Variants in DNAAF11 observed in about 807,000 individuals in gnomAD.
DNAAF11 encodes the protein dynein axonemal assembly factor 11.
DNAAF11 carries 45 observed loss-of-function variants against 60.8 expected under a neutral mutation model. The ratio of observed to expected loss-of-function variants is 0.74; its 90% CI spans 0.58 to 0.95. The LOEUF is 0.95. DNAAF11 is among the 40% of genes least tolerant of loss of function. The probability of loss-of-function intolerance (pLI) is 0.00; values close to 1 mark genes in which losing one functional copy is unlikely to be tolerated. For synonymous variants in DNAAF11, 191 were observed against 183.5 expected (o/e 1.04, Z -0.33); for missense variants, 546 against 546.2 (o/e 1.00, Z 0.00).
the DNAAF11 span, among the ~76,000 whole-genome samples, chr8:132,692,851 G>A: frequency 3.3e-5 from 5 of 152,156 alleles, no homozygotes; most frequent in African/African-American, 7.2e-5. Flanking sequence ...TGAACCAATC[G>A]TGTATGATGG....
intron 10 of DNAAF11, among the ~76,000 whole-genome samples, chr8:132,607,374 G>A (rs1818234824): frequency 6.6e-6 from 1 of 152,116 alleles, no homozygotes; most frequent in Admixed American, 6.6e-5. Flanking sequence ...TCGACCCAGT[G>A]GTGAGTGTTG....
At chr8:132,584,216 T>C (rs1458098108) in intron 10 of DNAAF11, among the ~76,000 whole-genome samples, 1 of 152,160 alleles carries the variant, frequency 6.6e-6, no homozygotes, top group East Asian at 1.9e-4. Context: ...TTTCTTCCTC[T>C]GCAAAATGAA....
chr8:132,669,244 A>G (rs1306207573), intron 1 of DNAAF11, among the ~76,000 whole-genome samples: 1 of 152,240 alleles, frequency 6.6e-6, no homozygotes, highest in Non-Finnish European at 1.5e-5. Context: ...GGAAGAGTTG[A>G]TACCAGAAGT....
intron 6 of DNAAF11, chr8:132,622,911 T>C (rs937105889): frequency 3.5e-5 from 14 of 396,492 alleles, no homozygotes; most frequent in African/African-American, 2.3e-4. Flanking sequence ...TCTGTATCTG[T>C]ACAGCAAAAA....
chr8:132,659,227 G>T (rs941617748), intron 2 of DNAAF11, among the ~76,000 whole-genome samples: 9 of 152,172 alleles, frequency 5.9e-5, no homozygotes, highest in African/African-American at 2.4e-5. Flanking sequence ...CTTCCCATGG[G>T]CAACAGGGCT....
At chr8:132,578,841 T>C (rs1366505173) in intron 11 of DNAAF11, among the ~76,000 whole-genome samples, 1 of 152,206 alleles carries the variant, frequency 6.6e-6, no homozygotes, top group East Asian at 1.9e-4. Context: ...TGGGGAGCCC[T>C]TGAAGTTGTG....
chr8:132,663,266 T>A (rs887830460), intron 1 of DNAAF11, among the ~76,000 whole-genome samples: 1 of 152,082 alleles, frequency 6.6e-6, no homozygotes, highest in Non-Finnish European at 1.5e-5. Flanking sequence ...TTAAATAGGG[T>A]GCTATAATCA....
At chr8:132,633,518 CAG>C (rs1268178003) in intron 4 of DNAAF11, among the ~76,000 whole-genome samples, 1 of 152,098 alleles carries the variant, frequency 6.6e-6, no homozygotes, top group African/African-American at 2.4e-5. Flanking sequence ...TTAAAGCTAA[CAG>C]TTTAAAGATA....
intron 11 of DNAAF11, among the ~76,000 whole-genome samples, chr8:132,577,952 C>T (rs1814927466): frequency 6.6e-6 from 1 of 152,142 alleles, no homozygotes; most frequent in South Asian, 2.1e-4. Context: ...AGGATGTGAG[C>T]CACCATGCCT....
intron 10 of DNAAF11, among the ~76,000 whole-genome samples, chr8:132,593,332 C>CAT (rs60462067): frequency 0.15 from 16,431 of 108,568 alleles, 1,129 homozygotes; most frequent in Admixed American, 0.24. Context: ...TATATACATA[C>CAT]ATATATATAT....
chr8:132,588,880 A>G (rs1816179540), intron 10 of DNAAF11, among the ~76,000 whole-genome samples: 1 of 152,084 alleles, frequency 6.6e-6, no homozygotes, highest in Non-Finnish European at 1.5e-5. Context: ...GAGTAGGAGC[A>G]AGAGAGAGAG....
chr8:132,654,698 C>CAAA (rs34749688), intron 3 of DNAAF11, among the ~76,000 whole-genome samples: 8,592 of 133,914 alleles, frequency 0.064, 344 homozygotes, highest in South Asian at 0.089. Flanking sequence ...AAAAAAATTG[C>CAAA]AAAAAAAAAA....
intron 1 of DNAAF11, 74 bp from the exon 2 acceptor site, chr8:132,661,701 TTTG>T (rs1473587357): frequency 6.7e-7 from 1 of 1,492,156 alleles, no homozygotes; most frequent in Non-Finnish European, 9.3e-7. Flanking sequence ...TGTTAACGCA[TTTG>T]TGTTTTTTTT....
At chr8:132,681,606 T>G in the DNAAF11 span, among the ~76,000 whole-genome samples, 1 of 152,154 alleles carries the variant, frequency 6.6e-6, no homozygotes, top group Non-Finnish European at 1.5e-5. Flanking sequence ...TCCAGTGCTT[T>G]CTTTATCCAT....
intron 4 of DNAAF11, among the ~76,000 whole-genome samples, chr8:132,634,988 T>C (rs10087409): frequency 0.04 from 6,044 of 152,164 alleles, 405 homozygotes; most frequent in African/African-American, 0.13. Flanking sequence ...TGTAAGTCTA[T>C]TTTGATTTAA....
intron 8 of DNAAF11, among the ~76,000 whole-genome samples, chr8:132,612,316 T>C (rs1236288453): frequency 1.3e-5 from 2 of 152,200 alleles, no homozygotes; most frequent in African/African-American, 4.8e-5. Flanking sequence ...TTTATAATAA[T>C]AATAGAGATG....
At chr8:132,665,223 C>T (rs1586737359) in intron 1 of DNAAF11, among the ~76,000 whole-genome samples, 1 of 151,788 alleles carries the variant, frequency 6.6e-6, no homozygotes. Flanking sequence ...TGGCAAACAT[C>T]AGAACAAAAA....
chr8:132,671,564 T>C (rs1005090525), intron 1 of DNAAF11, among the ~76,000 whole-genome samples: 1 of 152,174 alleles, frequency 6.6e-6, no homozygotes, highest in Non-Finnish European at 1.5e-5. Flanking sequence ...GTAAAGGATC[T>C]GAATACAACT....
chr8:132,697,205 T>A, the DNAAF11 span, among the ~76,000 whole-genome samples: 1 of 152,188 alleles, frequency 6.6e-6, no homozygotes, highest in Admixed American at 6.5e-5. Context: ...GGCAGAGGGA[T>A]CTTTTTGGGG....
Sources: gnomAD v4.1 joint callset for allele counts (sites outside exome capture counted in the v4.1 genomes callset) on GRCh38, gnomAD v4.1.1 for gene constraint, MANE v1.5 for transcripts, NCBI Gene and HGNC (gene_info 2026-07-23, HGNC 2026-07-21) for gene names.